TRIM62: variants seen among roughly 807,000 people sequenced by gnomAD.
The protein encoded by TRIM62 is E3 ubiquitin-protein ligase TRIM62.
A neutral mutation model predicts 44.2 loss-of-function variants in TRIM62; 39 were observed. That is an observed-to-expected ratio of 0.88 (90% CI 0.68 to 1.15). The LOEUF (loss-of-function observed/expected upper bound fraction) is 1.15. Among genes scored for constraint, TRIM62 ranks in the 50% most tolerant of loss-of-function variants. The pLI, the probability that TRIM62 is intolerant of heterozygous loss-of-function variation, is 0.00. For synonymous variants in TRIM62, 278 were observed against 292.3 expected (o/e 0.95, Z 0.50); for missense variants, 544 against 665.5 (o/e 0.82, Z 2.01).
Position 33,165,372 on chromosome 1 carries a change from C to A in TRIM62, c.504+99G>T. On this transcript the variant is annotated intron_variant, in intron 2 of 4. Coordinates refer to ENST00000291416, the MANE Select transcript of TRIM62 (RefSeq NM_018207.3). This position sits in a 1 kb window ranked among gnomAD's most constrained non-coding sequence, Gnocchi z 4.0. Reference sequence around the variant, plus strand: ...GCTCCTTGAAGCCAGGTTTCCACCGCACACCCGAGGCCCCGCCCCTCTTCC... The same window carrying A: ...GCTCCTTGAAGCCAGGTTTCCACCGAACACCCGAGGCCCCGCCCCTCTTCC... 8.7e-7 allele frequency: 1 copy of A among 1,153,588 alleles called. No individual in the cohort carries two copies. Among genetic ancestry groups the A allele is most frequent in the East Asian group, 2.7e-5 (1 of 36,902 alleles). 71.5% of individuals were successfully genotyped at this position (1,153,588 alleles called of 1,614,324 possible). A position where few individuals can be genotyped will look rare whatever the true frequency, so the allele number is the denominator to read the frequency against.
At chr1:33,170,598 C>T (rs572143433) in intron 1 of TRIM62, among the ~76,000 whole-genome samples, 1 of 152,224 alleles carries the variant, frequency 6.6e-6, no homozygotes, top group South Asian at 2.1e-4. Flanking sequence ...GAGAAGGCCC[C>T]CAGCAGGCAG....
chr1:33,180,164 G>A (rs540131702), intron 1 of TRIM62, among the ~76,000 whole-genome samples: 4 of 152,184 alleles, frequency 2.6e-5, no homozygotes, highest in South Asian at 4.2e-4. Context: ...TGCATGTACC[G>A]TTTCACTTAG....
chr1:33,163,245 G>T (rs1645293133), intron 2 of TRIM62: 1 of 151,982 alleles, frequency 6.6e-6, no homozygotes, highest in African/African-American at 2.4e-5. Flanking sequence ...CACCATATTG[G>T]CCAGGCTGGT....
chr1:33,176,374 C>G, intron 1 of TRIM62: 1 of 680,002 alleles, frequency 1.5e-6, no homozygotes, highest in South Asian at 1.5e-5. Flanking sequence ...TGGGTGGCTG[C>G]CTTGGTGTCA....
In TRIM62 at chr1:33,159,419, G is replaced by T. The variant is rs1645229675; in HGVS notation, c.761+269C>A. On this transcript the variant is annotated intron_variant, in intron 3 of 4. Transcript: ENST00000291416. The surrounding 1 kb of genome is among the most constrained non-coding windows in gnomAD (Gnocchi z 4.2). ...ATCCTTTCTCTCCTGCACCCCTAGAGCCAAGACAGCAGGGTCAAAGTGGCT... is the reference window on the plus strand; with the variant it reads ...ATCCTTTCTCTCCTGCACCCCTAGATCCAAGACAGCAGGGTCAAAGTGGCT... Among the ~76,000 whole-genome samples, 1 of 152,090 alleles carries T rather than the reference G, an allele frequency of 6.6e-6. No homozygotes were observed. Among genetic ancestry groups the T allele is most frequent in the Non-Finnish European group, 1.5e-5 (1 of 68,022 alleles).
chr1:33,180,648 T>C (rs112872211), intron 1 of TRIM62, among the ~76,000 whole-genome samples: 5,228 of 152,212 alleles, frequency 0.034, 274 homozygotes, highest in African/African-American at 0.12. Context: ...GGCCCTGCCT[T>C]TGCCCAACTC....
At chr1:33,166,476 A>G (rs886792860) in intron 1 of TRIM62, among the ~76,000 whole-genome samples, 5 of 152,162 alleles carry the variant, frequency 3.3e-5, no homozygotes, top group African/African-American at 1.2e-4. Context: ...TCCGAGGGCT[A>G]CAGTGGGCTG....
At position 33,153,512 on chromosome 1, in the gene TRIM62, AG is replaced by A. The variant is rs1376850409; in HGVS notation, c.877+4740del. ...TACTGGCATCTAATGGATAGAGGCC[AG>A]GGATGCCACTAAACATCCTGCAGAG... On this transcript the variant is annotated intron_variant, in intron 4 of 4. Coordinates refer to ENST00000291416, the MANE Select transcript of TRIM62 (RefSeq NM_018207.3). 5.9e-5 allele frequency among the ~76,000 whole-genome samples: 9 copies of A among 152,340 alleles called. No homozygotes were observed. In the East Asian group the frequency reaches 1.7e-3, roughly 29 times the overall value.
chr1:33,157,130 A>T (rs1645189890), intron 4 of TRIM62, among the ~76,000 whole-genome samples: 1 of 151,984 alleles, frequency 6.6e-6, no homozygotes, highest in South Asian at 2.1e-4. Flanking sequence ...ACTGGCTCTC[A>T]TCTCACTCAG....
rs1645465852 is a variant in TRIM62, at chr1:33,181,674, A to C, written c.-242T>G. 40 of 614,858 alleles carry C rather than the reference A, an allele frequency of 6.5e-5. No homozygotes were observed. Among genetic ancestry groups the C allele is most frequent in the Non-Finnish European group, 9.8e-5 (37 of 376,294 alleles). The allele number at this position is 614,858 out of a possible 1,614,324, so 38.1% of individuals were successfully genotyped here. ...GCAGTCTAGAGGTAGTGGGCAGCTC[A>C]AGGCGATGGGCGCTGGGAGGAGGCT... On this transcript the variant is annotated 5_prime_UTR_variant, in exon 1 of 5. Coordinates refer to ENST00000291416, the MANE Select transcript of TRIM62 (RefSeq NM_018207.3). The surrounding 1 kb of genome is among the most constrained non-coding windows in gnomAD (Gnocchi z 6.5).
Position 33,146,902 on chromosome 1 carries a change from G to T in TRIM62, c.*275C>A. 2.1e-6 allele frequency: 1 copy of T among 479,014 alleles called. No individual in the cohort carries two copies. The allele number at this position is 479,014 out of a possible 1,614,324, so 29.7% of individuals were successfully genotyped here. On this transcript the variant is annotated 3_prime_UTR_variant, in exon 5 of 5. Coordinates refer to ENST00000291416, the MANE Select transcript of TRIM62 (RefSeq NM_018207.3). ...TGCCCCTGAGAAGATGGGGATGAGG[G>T]TTGGGCAGGGGTTGCCCTGAGGAGA...
chr1:33,162,285 C>T (rs1221429722), intron 2 of TRIM62, among the ~76,000 whole-genome samples: 1 of 152,222 alleles, frequency 6.6e-6, no homozygotes, highest in East Asian at 1.9e-4. Flanking sequence ...TGCATTGCAA[C>T]TCCACCTGCC....
chr1:33,147,307 T>A lies in TRIM62; in HGVS notation c.1298A>T (p.Asp433Val). 1 of 1,614,118 alleles carries A rather than the reference T, an allele frequency of 6.2e-7. No homozygotes were observed. The highest frequency in any genetic ancestry group is 8.5e-7 in the Non-Finnish European group (1 of 1,180,026). The part of the protein sequence containing the change: ...DQGLLIFYNA[D>V]DMSWLYTFRE... ...GAAGGTGTAGAGCCAGGACATGTCA[T>A]CAGCATTGTAGAAGATGAGCAAGCC... The change falls in exon 5 of 5, where the codon GAT becomes GTT. Residue 433 changes from aspartate to valine, a missense_variant. By Grantham distance (152) the Asp-to-Val change is radical. Transcript: ENST00000291416. The surrounding 1 kb of genome is among the most constrained non-coding windows in gnomAD (Gnocchi z 8.1).
At position 33,165,800 on chromosome 1, in the gene TRIM62, C is replaced by T. The variant is rs1474515051; in HGVS notation, c.409-234G>A. 4 of 389,570 alleles carry T rather than the reference C, an allele frequency of 1.0e-5. No individual in the cohort carries two copies. The Admixed American group carries it at 1.3e-4, about 13-fold the overall frequency. The allele number at this position is 389,570 out of a possible 1,614,324, so 24.1% of individuals were successfully genotyped here. A position where few individuals can be genotyped will look rare whatever the true frequency, so the allele number is the denominator to read the frequency against. The stretch of plus-strand genomic sequence containing the variant: ...TTGCAACAACCTCCTCCTCTTTGGC[C>T]ACCCTAGAGGCTTCTGTGACAATCG... On this transcript the variant is annotated intron_variant, in intron 1 of 4. Transcript: ENST00000291416. This position sits in a 1 kb window ranked among gnomAD's most constrained non-coding sequence, Gnocchi z 4.0.
intron 4 of TRIM62, among the ~76,000 whole-genome samples, chr1:33,154,871 A>G (rs2124721811): frequency 6.6e-6 from 1 of 151,874 alleles, no homozygotes; most frequent in Non-Finnish European, 1.5e-5. Context: ...AGACGGGCAG[A>G]ACATGAGGTC....
At position 33,165,415 on chromosome 1, in the gene TRIM62, T is replaced by A; in HGVS notation, c.504+56A>T. The A allele has an allele frequency of 7.7e-7, 1 of 1,304,748 alleles. No homozygotes were observed. Among genetic ancestry groups the A allele is most frequent in the Non-Finnish European group, 1.1e-6 (1 of 945,878 alleles). 80.8% of individuals were successfully genotyped at this position (1,304,748 alleles called of 1,614,324 possible). A position where few individuals can be genotyped will look rare whatever the true frequency, so the allele number is the denominator to read the frequency against. ...CCTCTTCCCCAGCTGGCCCCGCCCC[T>A]CGAAGCCCTGCCCTCATCTCTGCCG... On this transcript the variant is annotated intron_variant, in intron 2 of 4. Coordinates refer to ENST00000291416, the MANE Select transcript of TRIM62 (RefSeq NM_018207.3). The surrounding 1 kb of genome is among the most constrained non-coding windows in gnomAD (Gnocchi z 4.0).
In TRIM62 at chr1:33,145,826, G is replaced by T; in HGVS notation, c.*1351C>A. 1 of 469,920 alleles carries T rather than the reference G, an allele frequency of 2.1e-6. No homozygotes were observed. The highest frequency in any genetic ancestry group is 4.4e-6 in the Non-Finnish European group (1 of 226,510). 29.1% of individuals were successfully genotyped at this position (469,920 alleles called of 1,614,324 possible). On this transcript the variant is annotated 3_prime_UTR_variant, in exon 5 of 5. Coordinates refer to ENST00000291416, the MANE Select transcript of TRIM62 (RefSeq NM_018207.3). ...TTGGATGCTGTGGCAGAAAAACGCA[G>T]GTGGGGCTTGCTCCACCCACCCTAA...
At chr1:33,151,845 C>T (rs1451043267) in intron 4 of TRIM62, among the ~76,000 whole-genome samples, 3 of 152,232 alleles carry the variant, frequency 2.0e-5, no homozygotes, top group African/African-American at 4.8e-5. Context: ...GCCCAAGCAG[C>T]GGAGAAAGCC....
Position 33,165,555 on chromosome 1 carries a change from C to G in TRIM62, c.420G>C (p.Lys140Asn). ...DAFDELQREL[K>N]DQLQALQDSE... is the part of the protein sequence containing the mutation. ...TGTCTTGAAGGGCCTGAAGTTGGTCCTTCAGCTCCCTCTGAAACACACACA... is the reference window on the plus strand; with the variant it reads ...TGTCTTGAAGGGCCTGAAGTTGGTCGTTCAGCTCCCTCTGAAACACACACA... Residue 140 changes from lysine (K) to asparagine (N), a missense_variant, in exon 2 of 5, where the codon AAG becomes AAC. Lys to Asn is a moderately conservative substitution (Grantham distance 94, BLOSUM62 0). Coordinates refer to ENST00000291416, the MANE Select transcript of TRIM62 (RefSeq NM_018207.3). The surrounding 1 kb of genome is among the most constrained non-coding windows in gnomAD (Gnocchi z 4.0). 7 of 1,608,214 alleles carry G rather than the reference C, an allele frequency of 4.4e-6. No homozygotes were observed. The highest frequency in any genetic ancestry group is 5.9e-6 in the Non-Finnish European group (7 of 1,177,006).
Sources: allele counts gnomAD v4.1 joint callset (sites outside exome capture counted in the v4.1 genomes callset), GRCh38; gene constraint gnomAD v4.1.1; non-coding constraint Gnocchi (gnomAD v3.1); transcripts MANE v1.5; gene names NCBI Gene and HGNC (gene_info 2026-07-23, HGNC 2026-07-21).